Variants in DPP9 observed in about 807,000 individuals in gnomAD.
DPP9 encodes the protein dipeptidyl peptidase IV-related protein-2.
Under a neutral mutation model 110.7 loss-of-function variants are expected in DPP9, and 50 were observed. That is an observed-to-expected ratio of 0.45 (90% CI 0.36 to 0.57). The LOEUF is 0.57. Ranked by LOEUF, DPP9 falls within the 20% of genes least tolerant of loss-of-function variation. The pLI is 0.00. For synonymous variants in DPP9, 561 were observed against 514.4 expected (o/e 1.09, Z -1.23); for missense variants, 1,022 against 1,217.9 (o/e 0.84, Z 2.39).
In DPP9 at chr19:4,685,139, C is replaced by T; in HGVS notation, c.2032-330G>A. On this transcript the variant is annotated intron_variant, in intron 17 of 21. Transcript: ENST00000262960. The surrounding 1 kb of genome is among the most constrained non-coding windows in gnomAD (Gnocchi z 5.8). Reference sequence around the variant, plus strand: ...GGGGCCATCTGGGCACTGCGGGGTGCTGAGAAGCCACTCCAGGCCAGGAGA... The same window carrying T: ...GGGGCCATCTGGGCACTGCGGGGTGTTGAGAAGCCACTCCAGGCCAGGAGA... The T allele has an allele frequency of 1.8e-6, 1 of 564,880 alleles. No individual in the cohort carries two copies. Among genetic ancestry groups the T allele is most frequent in the South Asian group, 1.5e-5 (1 of 65,532 alleles). The allele number at this position is 564,880 out of a possible 1,614,324, so 35.0% of individuals were successfully genotyped here.
rs376515391 is a variant in DPP9, at chr19:4,702,460, G to A, written c.883+143C>T. 8.4e-4 allele frequency: 614 copies of A among 730,840 alleles called. 12 individuals are homozygous for A. In the South Asian group the frequency reaches 0.01, roughly 12 times the overall value. 45.3% of individuals were successfully genotyped at this position (730,840 alleles called of 1,614,324 possible). On this transcript the variant is annotated intron_variant, in intron 8 of 21. Coordinates refer to ENST00000262960, the MANE Select transcript of DPP9 (RefSeq NM_139159.5). The stretch of plus-strand genomic sequence containing the variant: ...TAGGGCAACAGCGATGTCTACAGTC[G>A]TTAAGGAACTCTCTAGGTGTTGGTA...
chr19:4,695,283 C>T lies in DPP9; in HGVS notation c.1353+95G>A, dbSNP rs1185143927. The T allele has an allele frequency of 1.5e-6, 2 of 1,335,278 alleles. No homozygotes were observed. Among genetic ancestry groups the T allele is most frequent in the Admixed American group, 2.8e-5 (1 of 35,752 alleles). The allele number at this position is 1,335,278 out of a possible 1,614,324, so 82.7% of individuals were successfully genotyped here. ...CTTCTCCACACAAGGGCAAACACCA[C>T]CTGCCATTGGCGCTCAGCCTTCTAG... On this transcript the variant is annotated intron_variant, in intron 12 of 21. Coordinates refer to ENST00000262960, the MANE Select transcript of DPP9 (RefSeq NM_139159.5). The surrounding 1 kb of genome is among the most constrained non-coding windows in gnomAD (Gnocchi z 4.7).
intron 1 of DPP9, among the ~76,000 whole-genome samples, chr19:4,723,031 G>A (rs935586866): frequency 3.3e-5 from 5 of 152,200 alleles, no homozygotes; most frequent in African/African-American, 4.8e-5. Flanking sequence ...AGAGAAGGGG[G>A]CTGAACCCTG....
Position 4,684,775 on chromosome 19 carries a change from T to G in DPP9, c.2066A>C (p.Lys689Thr). ...GGCCAGTGTGTTGAGCCGCAAGTAC[T>G]TGATGCCTTTGAAGGAGTTATTCAC... ...QLVNNSFKGI[K>T]YLRLNTLASL... The change falls in exon 18 of 22, where the codon AAG (lysine) becomes ACG (threonine). Residue 689 changes from lysine (K) to threonine (T), a missense_variant. Physicochemically the swap from Lys to Thr is moderately conservative, Grantham distance 78 (BLOSUM62 -1). Coordinates refer to ENST00000262960, the MANE Select transcript of DPP9 (RefSeq NM_139159.5). The surrounding 1 kb of genome is among the most constrained non-coding windows in gnomAD (Gnocchi z 4.8). 6.2e-7 allele frequency: 1 copy of G among 1,600,968 alleles called. No individual in the cohort carries two copies. Among genetic ancestry groups the G allele is most frequent in the Non-Finnish European group, 8.5e-7 (1 of 1,174,326 alleles).
At chr19:4,712,972 A>G (rs1327514532) in intron 4 of DPP9, among the ~76,000 whole-genome samples, 2 of 152,220 alleles carry the variant, frequency 1.3e-5, no homozygotes, top group African/African-American at 4.8e-5. Context: ...GGACACCACC[A>G]TGAGTCCCAT....
rs2092145089 is a variant in DPP9, at chr19:4,700,219, G to T, written c.1071C>A (p.Gly357=). 2 of 1,583,252 alleles carry T rather than the reference G, an allele frequency of 1.3e-6. No homozygotes were observed. Among genetic ancestry groups the T allele is most frequent in the Admixed American group, 1.7e-5 (1 of 58,350 alleles). The change falls in exon 10 of 22, where the codon GGC becomes GGA. Residue 357 remains glycine, a synonymous_variant. Transcript: ENST00000262960. This position sits in a 1 kb window ranked among gnomAD's most constrained non-coding sequence, Gnocchi z 4.3. The part of the protein sequence containing the change: ...KLAEFQTDSQ[G]KIVSTQEKEL... ...GGTATGCAGCAGGCCCCCTTACCTT[G>T]CCCTGGCTGTCAGTCTGGAACTCAG...
In DPP9 at chr19:4,719,322, C is replaced by T. The variant is rs1239624388; in HGVS notation, c.56+529G>A. On this transcript the variant is annotated intron_variant, in intron 3 of 21. Transcript: ENST00000262960. ...CAGCCTGGGTAACAGAGCAAGACTC[C>T]GTCTTAAATAAATAAATAAATAAAT... 4.0e-5 allele frequency: 5 copies of T among 124,586 alleles called. No individual in the cohort carries two copies. The East Asian group carries it at 9.2e-4, about 23-fold the overall frequency. 7.7% of individuals were successfully genotyped at this position (124,586 alleles called of 1,614,324 possible).
At chr19:4,677,324 C>G (rs1246254321) in intron 21 of DPP9, among the ~76,000 whole-genome samples, 3 of 152,110 alleles carry the variant, frequency 2.0e-5, no homozygotes, top group Non-Finnish European at 4.4e-5. Flanking sequence ...CCCACTGCCC[C>G]CTAGGGGTTG....
Position 4,685,617 on chromosome 19 carries a change from T to G in DPP9, c.2031+9A>C. 1 of 1,597,710 alleles carries G rather than the reference T, an allele frequency of 6.3e-7. No homozygotes were observed. The highest frequency in any genetic ancestry group is 8.5e-7 in the Non-Finnish European group (1 of 1,172,716). On this transcript the variant is annotated intron_variant, in intron 17 of 21. Transcript: ENST00000262960. The surrounding 1 kb of genome is among the most constrained non-coding windows in gnomAD (Gnocchi z 5.8). Reference sequence around the variant, plus strand: ...GGGGTGGGGGCCTGGGGAGCAGGTGTGCACTCACCTGGGGGCCTCCATATA... The same window carrying G: ...GGGGTGGGGGCCTGGGGAGCAGGTGGGCACTCACCTGGGGGCCTCCATATA...
chr19:4,723,367 GA>G (rs1340657968), intron 1 of DPP9, among the ~76,000 whole-genome samples: 1 of 152,226 alleles, frequency 6.6e-6, no homozygotes, highest in Non-Finnish European at 1.5e-5. Context: ...GCCACCTCCG[GA>G]AGGGGTCAGA....
chr19:4,698,358 T>C lies in DPP9; in HGVS notation c.1075-707A>G, dbSNP rs1302138731. 6.6e-6 allele frequency among the ~76,000 whole-genome samples: 1 copy of C among 152,096 alleles called. No homozygotes were observed. The highest frequency in any genetic ancestry group is 1.5e-5 in the Non-Finnish European group (1 of 68,000). On this transcript the variant is annotated intron_variant, in intron 10 of 21. Transcript: ENST00000262960. The surrounding 1 kb of genome is among the most constrained non-coding windows in gnomAD (Gnocchi z 4.2). ...AGGGCCTCCAGCTCTACCACTTGAGTGGGTCACCAGCCCCACATCCCCAAG... is the reference window on the plus strand; with the variant it reads ...AGGGCCTCCAGCTCTACCACTTGAGCGGGTCACCAGCCCCACATCCCCAAG...
intron 4 of DPP9, among the ~76,000 whole-genome samples, chr19:4,711,139 G>A (rs776120995): frequency 1.3e-5 from 2 of 152,134 alleles, no homozygotes; most frequent in Non-Finnish European, 2.9e-5. Context: ...ACCCAGGCAC[G>A]GACAGATGCC....
chr19:4,721,832 A>C (rs1050588329), intron 2 of DPP9, among the ~76,000 whole-genome samples: 2 of 152,210 alleles, frequency 1.3e-5, no homozygotes, highest in African/African-American at 4.8e-5. Flanking sequence ...TTTTAAGGGA[A>C]GAGGTTAAGC....
intron 16 of DPP9, chr19:4,688,539 GC>G (rs2091008560): frequency 3.7e-6 from 2 of 542,648 alleles, no homozygotes; most frequent in Non-Finnish European, 5.8e-6. Flanking sequence ...GTGCAGTCCG[GC>G]CCTTTACTGC....
Position 4,705,715 on chromosome 19 carries a change from C to T in DPP9, c.426+143G>A, listed in dbSNP as rs11879330. On this transcript the variant is annotated intron_variant, in intron 5 of 21. Coordinates refer to ENST00000262960, the MANE Select transcript of DPP9 (RefSeq NM_139159.5). The stretch of plus-strand genomic sequence containing the variant: ...TCAGGGGGAGGAGGGAAGGCTCACC[C>T]GCCAGAGTCCACAGGACGGAGGGTT... 1.2e-3 allele frequency: 882 copies of T among 710,724 alleles called. 10 individuals are homozygous for T. In the African/African-American group the frequency reaches 0.014, roughly 11 times the overall value. 44.0% of individuals were successfully genotyped at this position (710,724 alleles called of 1,614,324 possible).
At chr19:4,713,547 G>T (rs1056647533) in intron 4 of DPP9, among the ~76,000 whole-genome samples, 1 of 152,222 alleles carries the variant, frequency 6.6e-6, no homozygotes, top group African/African-American at 2.4e-5. Context: ...GTGGCAAGCC[G>T]CCCCTGTGCT....
chr19:4,714,125 T>G lies in DPP9; in HGVS notation c.269A>C (p.Lys90Thr). ...KAPHDFQFVQ[K>T]TDESGPHSHR... ...GGAGTGGGGCCCAGACTCATCCGTCTTCTGCACAAACTGGAAGTCGTGGGG... is the reference window on the plus strand; with the variant it reads ...GGAGTGGGGCCCAGACTCATCCGTCGTCTGCACAAACTGGAAGTCGTGGGG... Residue 90 changes from lysine to threonine, a missense_variant, in exon 4 of 22, where the codon AAG becomes ACG. By Grantham distance (78) the Lys-to-Thr change is moderately conservative (BLOSUM62 -1). This residue lies in a region of DPP9 where 810 missense variants were observed against 920.6 expected (regional missense o/e 0.88). Coordinates refer to ENST00000262960, the MANE Select transcript of DPP9 (RefSeq NM_139159.5). 1 of 1,613,534 alleles carries G rather than the reference T, an allele frequency of 6.2e-7. No homozygotes were observed. The highest frequency in any genetic ancestry group is 8.5e-7 in the Non-Finnish European group (1 of 1,179,758).
intron 13 of DPP9, among the ~76,000 whole-genome samples, 163 bp from the exon 14 acceptor site, chr19:4,691,120 C>T (rs1239128528): frequency 6.6e-6 from 1 of 152,124 alleles, no homozygotes; most frequent in Non-Finnish European, 1.5e-5. Flanking sequence ...TCAGACCTGC[C>T]ACATGGGCAA....
At chr19:4,715,123 G>A (rs531928675) in intron 3 of DPP9, among the ~76,000 whole-genome samples, 85 of 139,384 alleles carry the variant, frequency 6.1e-4, no homozygotes, top group Non-Finnish European at 1.8e-4. Context: ...AGGATCAAGC[G>A]ATTCTCCTGC....
Sources: allele counts gnomAD v4.1 joint callset (sites outside exome capture counted in the v4.1 genomes callset), GRCh38; gene constraint gnomAD v4.1.1; regional missense constraint gnomAD v4.1.1; non-coding constraint Gnocchi (gnomAD v3.1); transcripts MANE v1.5; gene names NCBI Gene and HGNC (gene_info 2026-07-23, HGNC 2026-07-21).